The following CDH12 variants were observed in gnomAD, a reference collection of about 807,000 sequenced individuals.
CDH12 encodes cadherin 12.
In CDH12, 41 loss-of-function variants were observed where a neutral mutation model predicts 74.1. The observed-to-expected ratio is 0.55, with a 90% CI of 0.43 to 0.72. The LOEUF is 0.72. Among genes scored for constraint, CDH12 ranks in the 30% least tolerant of loss-of-function variants. The pLI, the probability that CDH12 is intolerant of heterozygous loss-of-function variation, is 0.00. For synonymous variants in CDH12, 399 were observed against 355.0 expected (o/e 1.12, Z -1.39); for missense variants, 945 against 977.2 (o/e 0.97, Z 0.44).
chr5:22,322,834 G>T (rs996112564), intron 3 of CDH12, among the ~76,000 whole-genome samples: 1 of 152,106 alleles, frequency 6.6e-6, no homozygotes, highest in African/African-American at 2.4e-5. Context: ...ATGAGCCCTT[G>T]TACAACTGCA....
At chr5:22,739,392 C>T (rs1294784666) in intron 1 of CDH12, among the ~76,000 whole-genome samples, 1 of 151,808 alleles carries the variant, frequency 6.6e-6, no homozygotes, top group African/African-American at 2.4e-5. Context: ...TGAATGTTGT[C>T]CACTTTTCTC....
intron 1 of CDH12, among the ~76,000 whole-genome samples, chr5:22,646,796 T>C (rs1739458031): frequency 6.6e-6 from 1 of 151,858 alleles, no homozygotes. Flanking sequence ...GAAACACCAT[T>C]TATTTGCCAA....
intron 1 of CDH12, among the ~76,000 whole-genome samples, chr5:22,687,564 A>G (rs1299695574): frequency 6.6e-6 from 1 of 151,904 alleles, no homozygotes; most frequent in Non-Finnish European, 1.5e-5. Context: ...CAAGCCACCA[A>G]TGCCCAGGAC....
rs939855346 is a variant in CDH12 at position 21,752,188 on chromosome 5, G to T, written c.1934C>A (p.Thr645Asn). The change falls in exon 15 of 15, where the codon ACC becomes AAC. Residue 645 changes from threonine to asparagine, a missense_variant. By Grantham distance (65) the Thr-to-Asn change is moderately conservative. This residue lies in a region of CDH12 where 791 missense variants were observed against 792.8 expected (regional missense o/e 1.00). Coordinates refer to ENST00000382254, the MANE Select transcript of CDH12 (RefSeq NM_004061.5). ...VALRRQKKKD[T>N]LMTSKEDIRD... ...GATGTCTTCTTTAGAGGTCATCAGG[G>T]TGTCTTTTTTCTTCTGCCTTCGCAG... is the stretch of plus-strand genomic sequence containing the variant. 3.7e-6 allele frequency: 6 copies of T among 1,613,876 alleles called. No individual in the cohort carries two copies. In the South Asian group the frequency reaches 5.5e-5, roughly 15 times the overall value.
intron 4 of CDH12, among the ~76,000 whole-genome samples, chr5:22,154,504 TATATATGTACAC>T (rs1208594646): frequency 2.6e-3 from 16 of 6,214 alleles, no homozygotes; most frequent in African/African-American, 8.4e-3. Context: ...TATGTACACA[TATATATGTACAC>T]ATATATATAC....
intron 6 of CDH12, among the ~76,000 whole-genome samples, chr5:21,867,985 G>A (rs1461772849): frequency 1.3e-5 from 2 of 152,134 alleles, no homozygotes; most frequent in African/African-American, 4.8e-5. Flanking sequence ...CCCCCATACT[G>A]TTCTCGTGGT....
intron 1 of CDH12, among the ~76,000 whole-genome samples, chr5:22,645,875 T>A (rs1739409419): frequency 6.6e-6 from 1 of 151,972 alleles, no homozygotes; most frequent in African/African-American, 2.4e-5. Flanking sequence ...ACATATATAT[T>A]GTATGTACAT....
At chr5:22,609,049 C>G (rs1737263715) in intron 1 of CDH12, among the ~76,000 whole-genome samples, 1 of 152,092 alleles carries the variant, frequency 6.6e-6, no homozygotes, top group Non-Finnish European at 1.5e-5. Context: ...AAGGAACCAC[C>G]CAGATTGTGT....
chr5:22,579,832 C>A (rs1739988304), intron 1 of CDH12, among the ~76,000 whole-genome samples: 1 of 152,102 alleles, frequency 6.6e-6, no homozygotes, highest in Non-Finnish European at 1.5e-5. Context: ...ACTGGGAAAA[C>A]TGTCACATTA....
At chr5:22,054,704 G>A (rs1017700686) in intron 5 of CDH12, among the ~76,000 whole-genome samples, 1 of 152,136 alleles carries the variant, frequency 6.6e-6, no homozygotes, top group Non-Finnish European at 1.5e-5. Flanking sequence ...GTCTATTGAT[G>A]TGATTACCTG....
intron 1 of CDH12, among the ~76,000 whole-genome samples, chr5:22,553,686 A>G (rs1738676077): frequency 2.0e-5 from 3 of 152,162 alleles, no homozygotes; most frequent in South Asian, 2.1e-4. Context: ...CACTGACAAA[A>G]TATCACTTCT....
At chr5:21,931,501 G>A (rs948567173) in intron 6 of CDH12, among the ~76,000 whole-genome samples, 1 of 152,160 alleles carries the variant, frequency 6.6e-6, no homozygotes, top group African/African-American at 2.4e-5. Flanking sequence ...TAATAGCGGT[G>A]CTTGAACAAA....
intron 4 of CDH12, among the ~76,000 whole-genome samples, chr5:22,210,442 C>T (rs558350929): frequency 2.9e-4 from 44 of 149,276 alleles, no homozygotes; most frequent in Middle Eastern, 3.4e-3. Context: ...ATTCAGACAA[C>T]TATGACAATG....
chr5:21,861,083 T>C (rs1751019918), intron 6 of CDH12, among the ~76,000 whole-genome samples: 1 of 151,972 alleles, frequency 6.6e-6, no homozygotes. Context: ...ACCTCAGGAA[T>C]ATCAGAGCCA....
chr5:22,124,628 C>T (rs778727464), intron 4 of CDH12, among the ~76,000 whole-genome samples: 16 of 152,128 alleles, frequency 1.1e-4, no homozygotes, highest in African/African-American at 3.9e-4. Flanking sequence ...CTTTATGTTG[C>T]TTTCCTTCTT....
intron 4 of CDH12, among the ~76,000 whole-genome samples, chr5:22,175,605 G>C (rs1749287457): frequency 6.6e-6 from 1 of 151,954 alleles, no homozygotes; most frequent in Non-Finnish European, 1.5e-5. Flanking sequence ...AAAAAGAATA[G>C]AAAATAAAAT....
chr5:22,563,860 TA>T (rs1739175507), intron 1 of CDH12, among the ~76,000 whole-genome samples: 1 of 152,112 alleles, frequency 6.6e-6, no homozygotes, highest in African/African-American at 2.4e-5. Flanking sequence ...CTCCCATTTT[TA>T]AAATCATCAG....
At position 22,530,905 on chromosome 5, in the gene CDH12, T is replaced by G. The variant is rs1737556099; in HGVS notation, c.-522-25541A>C. 1.3e-5 allele frequency among the ~76,000 whole-genome samples: 2 copies of G among 152,066 alleles called. 1 individual carries two copies. Among genetic ancestry groups the G allele is most frequent in the African/African-American group, 4.8e-5 (2 of 41,424 alleles). On this transcript the variant is annotated intron_variant, in intron 1 of 14. Transcript: ENST00000382254. The stretch of plus-strand genomic sequence containing the variant: ...AAATTATATTCTTCATTACAGAACT[T>G]ACATATTTCCTCATTGCTGAACAAG...
At chr5:22,634,514 T>C (rs1021083561) in intron 1 of CDH12, among the ~76,000 whole-genome samples, 1 of 152,134 alleles carries the variant, frequency 6.6e-6, no homozygotes, top group Non-Finnish European at 1.5e-5. Flanking sequence ...ATTATAATGA[T>C]AACATTTTCA....
Sources: gnomAD v4.1 joint callset for allele counts (sites outside exome capture counted in the v4.1 genomes callset) on GRCh38, gnomAD v4.1.1 for gene constraint, gnomAD v4.1.1 regional missense constraint, MANE v1.5 for transcripts, NCBI Gene and HGNC (gene_info 2026-07-23, HGNC 2026-07-21) for gene names.